CCDC170: variants seen among roughly 807,000 people sequenced by gnomAD.
CCDC170 encodes the protein coiled-coil domain-containing protein 170.
CCDC170 carries 69 observed loss-of-function variants against 72.6 expected under a neutral mutation model. The observed-to-expected ratio is 0.95, with a 90% CI of 0.78 to 1.16. CCDC170 has a LOEUF of 1.16. Among genes scored for constraint, CCDC170 ranks in the 50% most tolerant of loss-of-function variants. The pLI is 0.00. For synonymous variants in CCDC170, 300 were observed against 303.9 expected (o/e 0.99, Z 0.13); for missense variants, 852 against 832.5 (o/e 1.02, Z -0.29).
At chr6:151,610,185 A>G (rs953985136) in intron 9 of CCDC170, among the ~76,000 whole-genome samples, 9 of 152,218 alleles carry the variant, frequency 5.9e-5, no homozygotes, top group African/African-American at 2.2e-4. Flanking sequence ...TTACTTAATC[A>G]ATGTAATGTC....
chr6:151,574,756 A>G (rs1320442409), intron 6 of CCDC170, among the ~76,000 whole-genome samples: 2 of 152,200 alleles, frequency 1.3e-5, no homozygotes, highest in African/African-American at 4.8e-5. Context: ...AATTACAGAT[A>G]AAAGTTCCCA....
At chr6:151,587,717 A>C (rs1357058838) in intron 7 of CCDC170, among the ~76,000 whole-genome samples, 1 of 152,238 alleles carries the variant, frequency 6.6e-6, no homozygotes, top group Non-Finnish European at 1.5e-5. Flanking sequence ...GTAATAGTAC[A>C]ATAGTGCAAT....
At chr6:151,550,412 T>C (rs1562279262) in intron 5 of CCDC170, among the ~76,000 whole-genome samples, 1 of 152,190 alleles carries the variant, frequency 6.6e-6, no homozygotes, top group East Asian at 1.9e-4. Flanking sequence ...GGAATTTCTT[T>C]TGGGCCTTTT....
intron 8 of CCDC170, among the ~76,000 whole-genome samples, chr6:151,594,374 A>G (rs564416435): frequency 6.6e-6 from 1 of 152,288 alleles, no homozygotes; most frequent in Non-Finnish European, 1.5e-5. Flanking sequence ...AATAAATAAC[A>G]TTTTCAAACC....
intron 5 of CCDC170, among the ~76,000 whole-genome samples, chr6:151,557,579 TATTTAC>T (rs1276161984): frequency 6.6e-6 from 1 of 152,182 alleles, no homozygotes; most frequent in Non-Finnish European, 1.5e-5. Context: ...GGATGTGTGG[TATTTAC>T]ATTTTTAGTT....
intron 5 of CCDC170, among the ~76,000 whole-genome samples, chr6:151,562,630 G>A (rs931582039): frequency 2.0e-5 from 3 of 152,178 alleles, no homozygotes; most frequent in African/African-American, 7.2e-5. Flanking sequence ...TCTATCTTCT[G>A]TAGGGCTGGG....
intron 5 of CCDC170, among the ~76,000 whole-genome samples, chr6:151,553,336 G>A (rs753686596): frequency 3.3e-5 from 5 of 152,064 alleles, no homozygotes; most frequent in Non-Finnish European, 7.4e-5. Context: ...TATATTCACA[G>A]TTACATCCTA....
At chr6:151,592,232 T>G (rs1045765961) in intron 7 of CCDC170, among the ~76,000 whole-genome samples, 1 of 152,192 alleles carries the variant, frequency 6.6e-6, no homozygotes, top group Non-Finnish European at 1.5e-5. Flanking sequence ...TGGTGGCACG[T>G]GCCTGTAATC....
intron 1 of CCDC170, among the ~76,000 whole-genome samples, chr6:151,534,127 C>T (rs1289205113): frequency 3.4e-5 from 5 of 148,036 alleles, no homozygotes; most frequent in Admixed American, 6.8e-5. Context: ...TGCAGTGGTG[C>T]GATCACAGCT....
At chr6:151,608,281 G>T (rs535614167) in intron 9 of CCDC170, among the ~76,000 whole-genome samples, 6 of 152,008 alleles carry the variant, frequency 3.9e-5, no homozygotes, top group Non-Finnish European at 7.4e-5. Flanking sequence ...TTAAGATCAT[G>T]ATTTGAATTC....
chr6:151,533,051 T>C (rs1271655933), intron 1 of CCDC170, among the ~76,000 whole-genome samples: 13 of 131,430 alleles, frequency 9.9e-5, no homozygotes, highest in Non-Finnish European at 1.9e-4. Context: ...TGACTATTTC[T>C]CTTTTTTTTT....
At chr6:151,499,932 C>A (rs188985103) in intron 1 of CCDC170, among the ~76,000 whole-genome samples, 23 of 152,236 alleles carry the variant, frequency 1.5e-4, no homozygotes, top group Admixed American at 1.4e-3. Context: ...CTCTGTGAGA[C>A]CCTGCTTTCA....
chr6:151,577,219 C>T (rs891212821), intron 6 of CCDC170, among the ~76,000 whole-genome samples: 75 of 152,086 alleles, frequency 4.9e-4, no homozygotes, highest in African/African-American at 1.7e-3. Context: ...TTTTGAGCGG[C>T]GTCCTTGGCC....
At chr6:151,586,192 T>C in intron 7 of CCDC170, 103 bp downstream of exon 7, 1 of 1,128,306 alleles carries the variant, frequency 8.9e-7, no homozygotes, top group Non-Finnish European at 1.2e-6. Flanking sequence ...GGTTAAGTCC[T>C]GGACTTAATT....
At chr6:151,589,092 A>T (rs1039461430) in intron 7 of CCDC170, among the ~76,000 whole-genome samples, 2 of 152,090 alleles carry the variant, frequency 1.3e-5, no homozygotes, top group East Asian at 3.9e-4. Context: ...CATCTCTACT[A>T]AAAATACAAA....
chr6:151,600,867 C>CA (rs1776695194), intron 9 of CCDC170, among the ~76,000 whole-genome samples: 4 of 152,286 alleles, frequency 2.6e-5, no homozygotes, highest in African/African-American at 9.6e-5. Context: ...CATCCTCCCC[C>CA]AAAATCCCAC....
At chr6:151,593,708 TA>T (rs1412245868) in intron 8 of CCDC170, among the ~76,000 whole-genome samples, 1 of 152,174 alleles carries the variant, frequency 6.6e-6, no homozygotes, top group Non-Finnish European at 1.5e-5. Flanking sequence ...AGAACCATTA[TA>T]TATCTGTGTT....
chr6:151,558,241 T>G lies in CCDC170; in HGVS notation c.774+9752T>G, dbSNP rs902575646. 8.0e-4 allele frequency among the ~76,000 whole-genome samples: 119 copies of G among 149,664 alleles called. 1 individual carries two copies. Among genetic ancestry groups the G allele is most frequent in the Admixed American group, 2.2e-3 (33 of 15,070 alleles). ...TTTTATTGAGATTAGTGTTTTTTTT[T>G]TTTTTTTTTTTTTTAATGTTGACTT... On this transcript the variant is annotated intron_variant, in intron 5 of 10. Transcript: ENST00000239374.
rs543121692 is a variant in CCDC170, at chr6:151,540,704, G to A, written c.443+2403G>A. Among the ~76,000 whole-genome samples, 4 of 151,918 alleles carry A rather than the reference G, an allele frequency of 2.6e-5. No individual in the cohort carries two copies. In the East Asian group the frequency reaches 5.8e-4, roughly 22 times the overall value. On this transcript the variant is annotated intron_variant, in intron 3 of 10. Coordinates refer to ENST00000239374, the MANE Select transcript of CCDC170 (RefSeq NM_025059.4). ...ACCCAGCCAGTGTCCCTTCTTATAAGGGCACTAATCTCATTCACGAGGTCT... is the reference window on the plus strand; with the variant it reads ...ACCCAGCCAGTGTCCCTTCTTATAAAGGCACTAATCTCATTCACGAGGTCT...
Sources: gnomAD v4.1 joint callset for allele counts (sites outside exome capture counted in the v4.1 genomes callset) on GRCh38, gnomAD v4.1.1 for gene constraint, MANE v1.5 for transcripts, NCBI Gene and HGNC (gene_info 2026-07-23, HGNC 2026-07-21) for gene names.